The following EGF variants were observed in gnomAD, a reference collection of about 807,000 sequenced individuals.
The protein encoded by EGF is pro-epidermal growth factor.
EGF carries 95 observed loss-of-function variants against 143.8 expected under a neutral mutation model. That is an observed-to-expected ratio of 0.66 (90% CI 0.56 to 0.78). The LOEUF (loss-of-function observed/expected upper bound fraction) is 0.78. Ranked by LOEUF, EGF falls within the 30% of genes least tolerant of loss-of-function variation. The probability of loss-of-function intolerance (pLI) is 0.00; values close to 1 mark genes in which losing one functional copy is unlikely to be tolerated. For synonymous variants in EGF, 510 were observed against 510.5 expected, an observed-to-expected ratio of 1.00 and a Z score of 0.01; for missense variants, 1,320 against 1,470.9, an observed-to-expected ratio of 0.90 and a Z score of 1.68.
intron 8 of EGF, 150 bp downstream of exon 8, chr4:109,962,135 A>G (rs764767232): frequency 3.8e-5 from 52 of 1,385,410 alleles, no homozygotes; most frequent in Non-Finnish European, 5.1e-5. Context: ...ACATAGATTT[A>G]AATTTAGTAT....
chr4:110,010,643 G>A (rs906181054), intron 23 of EGF, among the ~76,000 whole-genome samples: 1 of 152,066 alleles, frequency 6.6e-6, no homozygotes, highest in Non-Finnish European at 1.5e-5. Context: ...TAGAGATGGA[G>A]ACTCCCTATG....
intron 21 of EGF, chr4:110,004,250 AC>A: frequency 1.6e-5 from 8 of 496,176 alleles, no homozygotes; most frequent in East Asian, 4.4e-5. Flanking sequence ...ACACACACAC[AC>A]AAACACACAC....
intron 1 of EGF, among the ~76,000 whole-genome samples, chr4:109,926,041 A>G (rs537796555): frequency 6.6e-6 from 1 of 152,334 alleles, no homozygotes; most frequent in East Asian, 1.9e-4. Flanking sequence ...TTTGTCTTAC[A>G]TACTTCCCAC....
intron 23 of EGF, among the ~76,000 whole-genome samples, chr4:110,009,912 C>A (rs1753788994): frequency 6.6e-6 from 1 of 152,060 alleles, no homozygotes. Context: ...GCTGACTATG[C>A]CAGGGGAAAA....
At position 110,011,416 on chromosome 4, in the gene EGF, G is replaced by A. The variant is rs1170970898; in HGVS notation, c.3585G>A (p.Arg1195=). Residue 1195 remains arginine (R), a synonymous_variant, in exon 24 of 24, where the codon AGG becomes AGA. Transcript: ENST00000265171. ...CAGCTAACCCATTATGGCAACAAAG[G>A]GCCCTGGACCCACCACACCAAATGG... ...LLSANPLWQQ[R]ALDPPHQMEL... 1 of 1,614,130 alleles carries A rather than the reference G, an allele frequency of 6.2e-7. No homozygotes were observed. Among genetic ancestry groups the A allele is most frequent in the Admixed American group, 1.7e-5 (1 of 60,022 alleles).
rs1748229347 is a variant in EGF, at chr4:109,974,823, A to T, written c.1829+16A>T. 1.3e-6 allele frequency: 2 copies of T among 1,591,008 alleles called. No individual in the cohort carries two copies. Among genetic ancestry groups the T allele is most frequent in the South Asian group, 2.2e-5 (2 of 90,616 alleles). On this transcript the variant is annotated intron_variant, in intron 12 of 23. Transcript: ENST00000265171. ...CAATGGCCAAGTAGGTATTTGTAAA[A>T]ATAAGGCACTGCTCTGCAGAGGTCA...
At chr4:109,960,463 A>T (rs1342257048) in intron 6 of EGF, among the ~76,000 whole-genome samples, 1 of 152,162 alleles carries the variant, frequency 6.6e-6, no homozygotes, top group Non-Finnish European at 1.5e-5. Flanking sequence ...TGAGCAATGT[A>T]GCAAAACCCC....
intron 16 of EGF, among the ~76,000 whole-genome samples, chr4:109,986,566 CT>C (rs746246586): frequency 6.6e-6 from 1 of 152,164 alleles, no homozygotes; most frequent in Non-Finnish European, 1.5e-5. Context: ...ATTTAACTTT[CT>C]TTAATTTATC....
At chr4:109,990,011 CCTT>C (rs1560746155) in intron 18 of EGF, among the ~76,000 whole-genome samples, 1 of 152,042 alleles carries the variant, frequency 6.6e-6, no homozygotes, top group Non-Finnish European at 1.5e-5. Flanking sequence ...AAAATTTTAT[CCTT>C]ATTATTATTA....
intron 19 of EGF, 113 bp downstream of exon 19, chr4:109,993,482 G>T (rs1751330158): frequency 2.7e-6 from 4 of 1,472,964 alleles, no homozygotes; most frequent in Non-Finnish European, 3.7e-6. Context: ...CAGGCAGGCT[G>T]CAGAGCTGGC....
At chr4:109,965,854 A>C (rs970833297) in intron 10 of EGF, among the ~76,000 whole-genome samples, 1 of 152,050 alleles carries the variant, frequency 6.6e-6, no homozygotes, top group African/African-American at 2.4e-5. Context: ...AAGTACCCCT[A>C]TTTGTATTTA....
In EGF at chr4:109,922,863, G is replaced by A. The variant is rs143914208; in HGVS notation, c.127+9401G>A. 3.6e-3 allele frequency among the ~76,000 whole-genome samples: 547 copies of A among 151,582 alleles called. 22 individuals carry two copies. The highest frequency in any genetic ancestry group is 6.4e-3 in the African/African-American group (264 of 40,948). ...TAAAATGCTTAGAATCTTAGCTGAC[G>A]CAGTGAGTTATCAGCAAATATTGGC... On this transcript the variant is annotated intron_variant, in intron 1 of 23. Coordinates refer to ENST00000265171, the MANE Select transcript of EGF (RefSeq NM_001963.6).
chr4:109,959,952 C>A (rs1195118620), intron 6 of EGF, among the ~76,000 whole-genome samples: 1 of 152,136 alleles, frequency 6.6e-6, no homozygotes, highest in East Asian at 1.9e-4. Context: ...ATACTATGTC[C>A]TTTTTCCTGG....
intron 1 of EGF, among the ~76,000 whole-genome samples, chr4:109,930,362 C>T (rs999977124): frequency 6.6e-6 from 1 of 152,126 alleles, no homozygotes; most frequent in East Asian, 1.9e-4. Context: ...ATAAATGACT[C>T]TTCTTAGGGG....
chr4:109,964,327 G>A lies in EGF; in HGVS notation c.1439-74G>A. The A allele has an allele frequency of 4.4e-6, 7 of 1,590,866 alleles. No individual in the cohort carries two copies. The South Asian group carries it at 6.6e-5, about 15-fold the overall frequency. ...AATTGGGTAAAAAGGTACAGTGAAAGGGAAGAGTCAGAGATGCCTCTTAGT... is the reference window on the plus strand; with the variant it reads ...AATTGGGTAAAAAGGTACAGTGAAAAGGAAGAGTCAGAGATGCCTCTTAGT... On this transcript the variant is annotated intron_variant, in intron 9 of 23. Transcript: ENST00000265171.
intron 23 of EGF, 91 bp from the exon 24 acceptor site, chr4:110,011,111 G>A (rs1397385155): frequency 1.4e-6 from 2 of 1,467,852 alleles, no homozygotes; most frequent in African/African-American, 1.4e-5. Context: ...TCATTTTCAG[G>A]CCAGTTCTTC....
intron 16 of EGF, among the ~76,000 whole-genome samples, chr4:109,985,181 G>A (rs1471134421): frequency 1.3e-5 from 2 of 152,184 alleles, no homozygotes; most frequent in African/African-American, 4.8e-5. Context: ...AATACCTGGA[G>A]CCTAGTACAG....
At chr4:109,981,564 C>A (rs1288374670) in intron 15 of EGF, among the ~76,000 whole-genome samples, 1 of 152,178 alleles carries the variant, frequency 6.6e-6, no homozygotes, top group Non-Finnish European at 1.5e-5. Context: ...ACAATCTGGG[C>A]ATCTGTGGAT....
rs113824614 is a variant in EGF at position 109,967,505 on chromosome 4, G to A, written c.1576-1466G>A. Among the ~76,000 whole-genome samples the A allele has an allele frequency of 1.5e-3, 227 of 152,036 alleles. 1 individual carries two copies. The highest frequency in any genetic ancestry group is 2.8e-3 in the Non-Finnish European group (192 of 67,960). On this transcript the variant is annotated intron_variant, in intron 10 of 23. Coordinates refer to ENST00000265171, the MANE Select transcript of EGF (RefSeq NM_001963.6). ...GCTTTATTTCTTTTTGCTTAGTATC[G>A]TCTGTGCTCTTCAGGCTTATTTTTG...
Sources: allele counts gnomAD v4.1 joint callset (sites outside exome capture counted in the v4.1 genomes callset), GRCh38; gene constraint gnomAD v4.1.1; transcripts MANE v1.5; gene names NCBI Gene and HGNC (gene_info 2026-07-23, HGNC 2026-07-21).